The following B4GALNT2 variants were observed in gnomAD, a reference collection of about 807,000 sequenced individuals.
B4GALNT2 encodes N-acetylneuraminylgalactosylglucosyl-glucoside beta-1,4-N- acetylgalactosaminyltransferase 2.
Under a neutral mutation model 51.1 loss-of-function variants are expected in B4GALNT2, and 42 were observed. That is an observed-to-expected ratio of 0.82 (90% confidence interval 0.64 to 1.06). The LOEUF is 1.06. Ranked by LOEUF, B4GALNT2 falls within the 50% of genes least tolerant of loss-of-function variation. B4GALNT2 has a pLI of 0.00. For synonymous variants in B4GALNT2, 253 were observed against 251.7 expected, an observed-to-expected ratio of 1.01 and a Z score of -0.05; for missense variants, 602 against 633.6, an observed-to-expected ratio of 0.95 and a Z score of 0.54.
chr17:49,122,286 A>G, the B4GALNT2 span, among the ~76,000 whole-genome samples: 8 of 152,166 alleles, frequency 5.3e-5, no homozygotes, highest in African/African-American at 1.4e-4. Context: ...CAAGATGGTG[A>G]TGCTCCTGCT....
At chr17:49,147,374 C>CTTTTTTTTTTTTTTTTTTTTTTTT (rs1475311406) in intron 3 of B4GALNT2, among the ~76,000 whole-genome samples, 1 of 143,894 alleles carries the variant, frequency 6.9e-6, no homozygotes, top group African/African-American at 2.5e-5. Flanking sequence ...TCTTTTCTTT[C>CTTTTTTTTTTTTTTTTTTTTTTTT]TTTCTTTTTT....
Position 49,169,744 on chromosome 17 carries a change from G to A in B4GALNT2, c.*16G>A. The A allele has an allele frequency of 6.5e-7, 1 of 1,537,284 alleles. No individual in the cohort carries two copies. On this transcript the variant is annotated 3_prime_UTR_variant, in exon 11 of 11. Coordinates refer to ENST00000393354, the MANE Select transcript of B4GALNT2 (RefSeq NM_001159387.2). ...TGCCGCATAAAGGTGTGAGGGCATA[G>A]GAGAAACACTAGGCTGGCTGGTTAT...
At position 49,164,117 on chromosome 17, in the gene B4GALNT2, G is replaced by C. The variant is rs755349876; in HGVS notation, c.796G>C (p.Ala266Pro). 5.0e-6 allele frequency: 8 copies of C among 1,614,096 alleles called. No individual in the cohort carries two copies. The South Asian group carries it at 8.8e-5, about 18-fold the overall frequency. The change falls in exon 8 of 11, where the codon GCT (alanine) becomes CCT (proline). Residue 266 changes from alanine (A) to proline (P), a missense_variant. Coordinates refer to ENST00000393354, the MANE Select transcript of B4GALNT2 (RefSeq NM_001159387.2). ...GAAGCTCAGAAACCTGGTTACCATT[G>C]CTACCAAGACTTTCCTCCGCCCCCA... ...ERKLRNLVTIATKTFLRPHKL... is the reference protein window; with the variant it reads ...ERKLRNLVTIPTKTFLRPHKL...
Position 49,166,157 on chromosome 17 carries a change from C to T in B4GALNT2, c.998C>T (p.Thr333Ile), listed in dbSNP as rs966794835. The change falls in exon 9 of 11, where the codon ACC becomes ATC. Residue 333 changes from threonine to isoleucine, a missense_variant. Transcript: ENST00000393354. ...GRNLAISQVT[T>I]KYVLWVDDDF... ...AACCTGGCCATATCTCAGGTCACCA[C>T]CAAATACGTTCTCTGGGTGGACGAT... 2 of 1,613,962 alleles carry T rather than the reference C, an allele frequency of 1.2e-6. No individual in the cohort carries two copies. Among genetic ancestry groups the T allele is most frequent in the African/African-American group, 2.7e-5 (2 of 74,904 alleles).
intron 3 of B4GALNT2, among the ~76,000 whole-genome samples, chr17:49,151,839 T>C (rs983571562): frequency 6.6e-6 from 1 of 152,114 alleles, no homozygotes; most frequent in African/African-American, 2.4e-5. Context: ...ATTACTCCCA[T>C]ATACACTTTC....
rs1489077010 is a variant in B4GALNT2, at chr17:49,172,804, T to C, written c.*3076T>C. The C allele has an allele frequency of 6.6e-6, 1 of 152,176 alleles. No individual in the cohort carries two copies. Among genetic ancestry groups the C allele is most frequent in the African/African-American group, 2.4e-5 (1 of 41,440 alleles). 9.4% of individuals were successfully genotyped at this position (152,176 alleles called of 1,614,324 possible). A position where few individuals can be genotyped will look rare whatever the true frequency, so the allele number is the denominator to read the frequency against. The stretch of plus-strand genomic sequence containing the variant: ...AGGCAGAAGACTCTCCTGATTGGCA[T>C]GTAGCCCAGACAAAGTGAGAAAAGG... On this transcript the variant is annotated 3_prime_UTR_variant, in exon 11 of 11. Coordinates refer to ENST00000393354, the MANE Select transcript of B4GALNT2 (RefSeq NM_001159387.2).
chr17:49,173,910 T>G lies in B4GALNT2; in HGVS notation c.*4182T>G, dbSNP rs555126599. ...TGATGAGCTGCAGCTCTGCATCAGC[T>G]TCTTTTGTTAATTGCCGAGGGCTAT... On this transcript the variant is annotated 3_prime_UTR_variant, in exon 11 of 11. Coordinates refer to ENST00000393354, the MANE Select transcript of B4GALNT2 (RefSeq NM_001159387.2). 8.5e-5 allele frequency: 13 copies of G among 152,346 alleles called. No individual in the cohort carries two copies. Among genetic ancestry groups the G allele is most frequent in the African/African-American group, 2.4e-4 (10 of 41,586 alleles). The allele number at this position is 152,346 out of a possible 1,614,324, so 9.4% of individuals were successfully genotyped here.
At chr17:49,167,284 G>C (rs1207683409) in intron 9 of B4GALNT2, among the ~76,000 whole-genome samples, 1 of 152,234 alleles carries the variant, frequency 6.6e-6, no homozygotes, top group Non-Finnish European at 1.5e-5. Flanking sequence ...CCAGGAGGAA[G>C]AGGGGAAGAG....
At position 49,141,234 on chromosome 17, in the gene B4GALNT2, T is replaced by A. The variant is rs550877851; in HGVS notation, c.15-13T>A. On this transcript the variant is annotated splice_polypyrimidine_tract_variant and intron_variant, in intron 1 of 10. Coordinates refer to ENST00000393354, the MANE Select transcript of B4GALNT2 (RefSeq NM_001159387.2). Reference sequence around the variant, plus strand: ...AAGATTTTAACATAATCTGTTCTTTTGTGTCCCAACAGCTCGAGATTTCTG... The same window carrying A: ...AAGATTTTAACATAATCTGTTCTTTAGTGTCCCAACAGCTCGAGATTTCTG... The A allele has an allele frequency of 1.9e-5, 31 of 1,609,980 alleles. 2 individuals are homozygous for A. The South Asian group carries it at 3.4e-4, about 18-fold the overall frequency.
intron 9 of B4GALNT2, among the ~76,000 whole-genome samples, chr17:49,167,194 A>G (rs767696829): frequency 2.3e-4 from 35 of 152,230 alleles, no homozygotes; most frequent in Non-Finnish European, 4.6e-4. Context: ...CCACACTGGC[A>G]GCTGAGTTGG....
upstream of B4GALNT2, among the ~76,000 whole-genome samples, chr17:49,130,297 G>A (rs970019970): frequency 7.9e-5 from 12 of 152,282 alleles, no homozygotes; most frequent in African/African-American, 1.7e-4. Context: ...ACTTTATTTC[G>A]AATGCGAATC....
At chr17:49,132,666 G>T (rs531959410), upstream of B4GALNT2, 14 of 1,179,962 alleles carry the variant, frequency 1.2e-5, no homozygotes, top group Non-Finnish European at 1.5e-5. Context: ...GGCGGGGGCC[G>T]TCCCAAGCGT....
intron 10 of B4GALNT2, among the ~76,000 whole-genome samples, chr17:49,169,186 A>G (rs1220179343): frequency 1.3e-5 from 2 of 150,950 alleles, no homozygotes; most frequent in African/African-American, 4.9e-5. Context: ...GCTGCTTCAT[A>G]TTCTATTTTT....
Position 49,171,501 on chromosome 17 carries a change from A to T in B4GALNT2, c.*1773A>T, listed in dbSNP as rs927529407. On this transcript the variant is annotated 3_prime_UTR_variant, in exon 11 of 11. Transcript: ENST00000393354. ...CTTTTTTATTCTTTCCCAAATTTTG[A>T]TCTTATTAACAGACATTAATAGTTT... is the stretch of plus-strand genomic sequence containing the variant. The T allele has an allele frequency of 1.0e-5, 4 of 390,636 alleles. No homozygotes were observed. The Admixed American group carries it at 1.1e-4, about 11-fold the overall frequency. The allele number at this position is 390,636 out of a possible 1,614,324, so 24.2% of individuals were successfully genotyped here. A position where few individuals can be genotyped will look rare whatever the true frequency, so the allele number is the denominator to read the frequency against.
intron 3 of B4GALNT2, chr17:49,148,821 G>C: frequency 3.3e-6 from 1 of 303,320 alleles, no homozygotes; most frequent in Non-Finnish European, 6.2e-6. Context: ...ACTTTGGGAG[G>C]CCGAGGCAGG....
intron 2 of B4GALNT2, 127 bp downstream of exon 2, chr17:49,141,574 C>A: frequency 9.8e-7 from 1 of 1,017,478 alleles, no homozygotes; most frequent in Non-Finnish European, 1.4e-6. Flanking sequence ...GTGCTGAATG[C>A]ACAAGTGACT....
chr17:49,136,988 A>G (rs1324226409), intron 1 of B4GALNT2, among the ~76,000 whole-genome samples: 3 of 152,210 alleles, frequency 2.0e-5, no homozygotes, highest in South Asian at 4.1e-4. Context: ...ATTATCAAGT[A>G]TACAAATATT....
intron 8 of B4GALNT2, 114 bp from the exon 9 acceptor site, chr17:49,166,000 A>G (rs577081145): frequency 1.6e-6 from 2 of 1,232,636 alleles, no homozygotes; most frequent in East Asian, 4.9e-5. Flanking sequence ...CACCAATTCT[A>G]ATGGAATTTG....
At position 49,169,788 on chromosome 17, in the gene B4GALNT2, C is replaced by T. The variant is rs1367925173; in HGVS notation, c.*60C>T. ...TGGTTATGGTATCTATAGCAGGCCA[C>T]CAAAAACTGGACTCCTGATAGGTGA... On this transcript the variant is annotated 3_prime_UTR_variant, in exon 11 of 11. Coordinates refer to ENST00000393354, the MANE Select transcript of B4GALNT2 (RefSeq NM_001159387.2). 2.8e-6 allele frequency: 4 copies of T among 1,434,694 alleles called. No individual in the cohort carries two copies. The Admixed American group carries it at 7.6e-5, about 27-fold the overall frequency. The allele number at this position is 1,434,694 out of a possible 1,614,324, so 88.9% of individuals were successfully genotyped here. A position where few individuals can be genotyped will look rare whatever the true frequency, so the allele number is the denominator to read the frequency against.
Sources: gnomAD v4.1 joint callset for allele counts (sites outside exome capture counted in the v4.1 genomes callset) on GRCh38, gnomAD v4.1.1 for gene constraint, MANE v1.5 for transcripts, NCBI Gene and HGNC (gene_info 2026-07-23, HGNC 2026-07-21) for gene names.